The following ABCB1 variants were observed in gnomAD, a reference collection of about 807,000 sequenced individuals.
ABCB1 encodes ATP binding cassette subfamily B member 1.
A neutral mutation model predicts 142.0 loss-of-function variants in ABCB1; 69 were observed. The ratio of observed to expected loss-of-function variants is 0.49; its 90% confidence interval spans 0.40 to 0.59. The LOEUF (loss-of-function observed/expected upper bound fraction) is 0.59, where lower values mean the gene tolerates loss of function less well. Among genes scored for constraint, ABCB1 ranks in the 20% least tolerant of loss-of-function variants. The pLI, the probability that ABCB1 is intolerant of heterozygous loss-of-function variation, is 0.00. For synonymous variants in ABCB1, 532 were observed against 539.2 expected, an observed-to-expected ratio of 0.99 and a Z score of 0.18; for missense variants, 1,326 against 1,554.7, an observed-to-expected ratio of 0.85 and a Z score of 2.47.
chr7:87,531,993 C>T (rs1816075666), intron 20 of ABCB1, among the ~76,000 whole-genome samples: 1 of 152,048 alleles, frequency 6.6e-6, no homozygotes, highest in South Asian at 2.1e-4. Flanking sequence ...AGATAGTAAG[C>T]GCGCATTATT....
At chr7:87,614,923 G>T (rs1037990463) in intron 1 of ABCB1, among the ~76,000 whole-genome samples, 1 of 151,932 alleles carries the variant, frequency 6.6e-6, no homozygotes, top group Admixed American at 6.6e-5. Flanking sequence ...TCAGCTCACT[G>T]CAAGCTCTGC....
chr7:87,509,580 G>A, intron 25 of ABCB1, 99 bp from the exon 26 acceptor site: 5 of 1,289,180 alleles, frequency 3.9e-6, no homozygotes, highest in Non-Finnish European at 5.5e-6. Flanking sequence ...CCAAGTTACT[G>A]TGAGATTAAG....
chr7:87,666,902 A>T (rs1404408042), intron 1 of ABCB1, among the ~76,000 whole-genome samples: 1 of 152,026 alleles, frequency 6.6e-6, no homozygotes, highest in Admixed American at 6.6e-5. Context: ...CTTGTGGTAT[A>T]GTTTGAAGTC....
In ABCB1 at chr7:87,561,267, C is replaced by A. The variant is rs202097303; in HGVS notation, c.823G>T (p.Glu275Ter). 2 of 1,613,728 alleles carry A rather than the reference C, an allele frequency of 1.2e-6. No individual in the cohort carries two copies. Among genetic ancestry groups the A allele is most frequent in the Admixed American group, 3.3e-5 (2 of 59,974 alleles). The stretch of plus-strand genomic sequence containing the variant: ...ATTTAAAAAAGAAACTCAAACCTTT[C>A]AAGTTCTTTCTTTTGTCCTCCAAAT... ...IAFGGQKKEL[E>*]RYNKNLEEAK... The change falls in exon 8 of 28, where the codon GAA becomes TAA. Residue 275 changes from glutamate (E) to a stop codon, truncating the protein, a stop_gained. Transcript: ENST00000622132. LOFTEE classifies it high-confidence loss of function.
chr7:87,645,059 T>C (rs1200167856), intron 1 of ABCB1, among the ~76,000 whole-genome samples: 1 of 151,578 alleles, frequency 6.6e-6, no homozygotes, highest in East Asian at 1.9e-4. Context: ...TTTAAGGTTT[T>C]AGTCACAATC....
At chr7:87,668,044 T>C (rs1825442875) in intron 1 of ABCB1, among the ~76,000 whole-genome samples, 1 of 151,942 alleles carries the variant, frequency 6.6e-6, no homozygotes, top group East Asian at 1.9e-4. Flanking sequence ...TTTTTGGAAT[T>C]ATTTCAGTAG....
At chr7:87,661,595 G>A (rs1824722003) in intron 1 of ABCB1, among the ~76,000 whole-genome samples, 1 of 151,746 alleles carries the variant, frequency 6.6e-6, no homozygotes, top group African/African-American at 2.4e-5. Flanking sequence ...GCAAATGATA[G>A]GATCTCATTT....
At chr7:87,522,399 G>A in intron 21 of ABCB1, 1 of 688,666 alleles carries the variant, frequency 1.5e-6, no homozygotes, top group Non-Finnish European at 2.7e-6. Context: ...AGCTACAGCA[G>A]TGGCAGAAGA....
intron 3 of ABCB1, among the ~76,000 whole-genome samples, chr7:87,591,734 C>G (rs754614076): frequency 2.6e-5 from 4 of 151,292 alleles, no homozygotes; most frequent in Admixed American, 2.6e-4. Flanking sequence ...AGGATACCAC[C>G]GAAAATAGAT....
chr7:87,693,314 T>C (rs1053772589), intron 1 of ABCB1, among the ~76,000 whole-genome samples: 4 of 152,208 alleles, frequency 2.6e-5, no homozygotes, highest in Admixed American at 2.6e-4. Flanking sequence ...ACCAACATTT[T>C]ATATAATATC....
At chr7:87,652,331 A>C (rs1174472032) in intron 1 of ABCB1, among the ~76,000 whole-genome samples, 1 of 152,114 alleles carries the variant, frequency 6.6e-6, no homozygotes, top group East Asian at 1.9e-4. Context: ...GGGTAGACTC[A>C]CTACTATGTA....
intron 1 of ABCB1, among the ~76,000 whole-genome samples, chr7:87,707,918 C>T (rs1829752200): frequency 6.6e-6 from 1 of 151,728 alleles, no homozygotes. Flanking sequence ...AGGAGAACTT[C>T]TAAATAACCC....
At chr7:87,706,885 G>T (rs1829643944) in intron 1 of ABCB1, among the ~76,000 whole-genome samples, 1 of 152,158 alleles carries the variant, frequency 6.6e-6, no homozygotes, top group Non-Finnish European at 1.5e-5. Context: ...GCAGGGAAGA[G>T]GTAAAACTGC....
In ABCB1 at chr7:87,553,719, C is replaced by T. The variant is rs1450098571; in HGVS notation, c.999+42G>A. 1.9e-6 allele frequency: 3 copies of T among 1,583,484 alleles called. No homozygotes were observed. The African/African-American group carries it at 4.0e-5, about 21-fold the overall frequency. ...AGCCAACATTACTGGATTTCATTGGCATTTTATAATAATGGTTCATTTCTC... is the reference window on the plus strand; with the variant it reads ...AGCCAACATTACTGGATTTCATTGGTATTTTATAATAATGGTTCATTTCTC... On this transcript the variant is annotated intron_variant, in intron 9 of 27. Coordinates refer to ENST00000622132, the MANE Select transcript of ABCB1 (RefSeq NM_001348946.2).
At chr7:87,593,662 T>A (rs994011217) in intron 3 of ABCB1, among the ~76,000 whole-genome samples, 2 of 152,200 alleles carry the variant, frequency 1.3e-5, no homozygotes, top group African/African-American at 4.8e-5. Context: ...GAGTCTGAAA[T>A]TTTGGTGCAT....
At chr7:87,628,890 A>G in intron 1 of ABCB1, 54 of 1,302,218 alleles carry the variant, frequency 4.1e-5, no homozygotes, top group Non-Finnish European at 5.2e-5. Context: ...CGGCAAGAAA[A>G]GCCTGAGCGC....
chr7:87,572,190 T>C (rs1461932296), intron 4 of ABCB1, among the ~76,000 whole-genome samples: 1 of 149,234 alleles, frequency 6.7e-6, no homozygotes, highest in Non-Finnish European at 1.5e-5. Context: ...TACCAGGAAA[T>C]GTCTCTATAT....
At chr7:87,711,225 C>G (rs893680612) in intron 1 of ABCB1, among the ~76,000 whole-genome samples, 10 of 151,726 alleles carry the variant, frequency 6.6e-5, no homozygotes, top group Admixed American at 6.6e-4. Flanking sequence ...ACTCGGGAGG[C>G]GGAGGTAGGA....
chr7:87,629,116 C>CAGA (rs776095099), intron 1 of ABCB1: 5 of 530,970 alleles, frequency 9.4e-6, no homozygotes, highest in African/African-American at 2.0e-5. Context: ...GGGCCCGGGT[C>CAGA]TGGACACCGT....
Sources: allele counts gnomAD v4.1 joint callset (sites outside exome capture counted in the v4.1 genomes callset), GRCh38; gene constraint gnomAD v4.1.1; transcripts MANE v1.5; gene names NCBI Gene and HGNC (gene_info 2026-07-23, HGNC 2026-07-21).